The following FOXP2 variants were observed in gnomAD, a reference collection of about 807,000 sequenced individuals.
FOXP2 encodes the protein forkhead box P2.
FOXP2 carries 12 observed loss-of-function variants against 115.8 expected under a neutral mutation model. That is an observed-to-expected ratio of 0.10 (90% CI 0.07 to 0.17). The LOEUF is 0.17. Among genes scored for constraint, FOXP2 ranks in the 10% least tolerant of loss-of-function variants. The pLI, the probability that FOXP2 is intolerant of heterozygous loss-of-function variation, is 1.00. For synonymous variants in FOXP2, 328 were observed against 297.7 expected, an observed-to-expected ratio of 1.10 and a Z score of -1.05; for missense variants, 629 against 843.5, an observed-to-expected ratio of 0.75 and a Z score of 3.15.
intron 2 of FOXP2, among the ~76,000 whole-genome samples, chr7:114,456,754 A>G (rs550364619): frequency 2.0e-5 from 3 of 152,308 alleles, no homozygotes; most frequent in Admixed American, 6.5e-5. Flanking sequence ...CACAAGAGCC[A>G]TGATATGGAA....
chr7:114,552,615 T>C (rs1456100560), intron 3 of FOXP2, among the ~76,000 whole-genome samples: 3 of 152,208 alleles, frequency 2.0e-5, no homozygotes, highest in Admixed American at 2.0e-4. Context: ...ACTCATTTAT[T>C]CAGGTTAAAA....
At chr7:114,614,728 C>T (rs541813225) in intron 3 of FOXP2, among the ~76,000 whole-genome samples, 2 of 152,024 alleles carry the variant, frequency 1.3e-5, no homozygotes, top group South Asian at 2.1e-4. Flanking sequence ...GAAGACATAA[C>T]GGAAGAAAAG....
intron 2 of FOXP2, among the ~76,000 whole-genome samples, chr7:114,384,544 A>G (rs1165082785): frequency 6.6e-6 from 1 of 152,088 alleles, no homozygotes; most frequent in Non-Finnish European, 1.5e-5. Flanking sequence ...GTCACCTGGG[A>G]GGAACCATCT....
At chr7:114,404,085 T>C (rs146387072) in intron 2 of FOXP2, among the ~76,000 whole-genome samples, 1 of 152,248 alleles carries the variant, frequency 6.6e-6, no homozygotes, top group Admixed American at 6.5e-5. Context: ...TGGCTTACCA[T>C]TCATTAAATG....
intron 2 of FOXP2, among the ~76,000 whole-genome samples, chr7:114,517,542 T>C (rs908298646): frequency 1.3e-4 from 20 of 152,208 alleles, no homozygotes; most frequent in African/African-American, 4.8e-4. Context: ...AGATATCTAG[T>C]GGATATATGC....
At chr7:114,632,142 T>C (rs1300552283) in intron 6 of FOXP2, among the ~76,000 whole-genome samples, 1 of 152,198 alleles carries the variant, frequency 6.6e-6, no homozygotes, top group Non-Finnish European at 1.5e-5. Context: ...AATCACCACA[T>C]GTTAAAGAGA....
chr7:114,196,125 G>T (rs1793898385), intron 1 of FOXP2, among the ~76,000 whole-genome samples: 1 of 152,004 alleles, frequency 6.6e-6, no homozygotes, highest in Non-Finnish European at 1.5e-5. Flanking sequence ...TGATTCTCCT[G>T]CCTCAGCCTC....
At chr7:114,239,460 G>T (rs1795097095) in intron 1 of FOXP2, among the ~76,000 whole-genome samples, 1 of 152,074 alleles carries the variant, frequency 6.6e-6, no homozygotes, top group Non-Finnish European at 1.5e-5. Flanking sequence ...GGTAGGAAAT[G>T]TTGATGAATT....
chr7:114,613,636 CTG>C (rs1563034407), intron 3 of FOXP2, among the ~76,000 whole-genome samples: 6 of 150,134 alleles, frequency 4.0e-5, no homozygotes, highest in African/African-American at 1.5e-4. Context: ...GATCGCACCA[CTG>C]CACTCCAGCC....
At chr7:114,459,835 C>G (rs555502603) in intron 2 of FOXP2, among the ~76,000 whole-genome samples, 2 of 152,154 alleles carry the variant, frequency 1.3e-5, no homozygotes, top group Non-Finnish European at 2.9e-5. Context: ...CGGTTGATCT[C>G]GAACCGCTGA....
At chr7:114,425,666 C>A (rs1249147297) in intron 1 of FOXP2, among the ~76,000 whole-genome samples, 1 of 151,520 alleles carries the variant, frequency 6.6e-6, no homozygotes, top group Non-Finnish European at 1.5e-5. Flanking sequence ...GATTTTATTT[C>A]CAGCTTTCAT....
At chr7:114,368,620 A>C (rs909141619) in intron 2 of FOXP2, among the ~76,000 whole-genome samples, 2 of 152,188 alleles carry the variant, frequency 1.3e-5, no homozygotes, top group African/African-American at 4.8e-5. Flanking sequence ...ACCCATAAAG[A>C]CGACTGAGCA....
rs147142788 is a variant in FOXP2 at position 114,349,127 on chromosome 7, TG to T, written c.-11+61019del. ...CCCATCAATGCTTGTGACTTTACTA[TG>T]TTTTTTTTTCTGTATTCCGCAAATC... On this transcript the variant is annotated intron_variant, in intron 2 of 17. Transcript: ENST00000634411. 5.3e-3 allele frequency among the ~76,000 whole-genome samples: 805 copies of T among 152,146 alleles called. 3 individuals carry two copies. The highest frequency in any genetic ancestry group is 0.018 in the African/African-American group (760 of 41,516).
intron 2 of FOXP2, among the ~76,000 whole-genome samples, chr7:114,361,952 C>A (rs574022058): frequency 4.3e-4 from 65 of 151,972 alleles, no homozygotes; most frequent in Admixed American, 6.6e-4. Context: ...GCTATAGGAA[C>A]AATGCCTAAA....
intron 3 of FOXP2, among the ~76,000 whole-genome samples, chr7:114,589,360 A>C (rs895998654): frequency 6.6e-6 from 1 of 152,104 alleles, no homozygotes; most frequent in Admixed American, 6.6e-5. Context: ...TTTAAAAAAA[A>C]AGCTTCTCCC....
chr7:114,089,823 A>G (rs1799507969), intron 1 of FOXP2, among the ~76,000 whole-genome samples: 1 of 152,008 alleles, frequency 6.6e-6, no homozygotes, highest in African/African-American at 2.4e-5. Flanking sequence ...CAAACACACA[A>G]AACAAGTCTC....
chr7:114,137,977 G>T (rs1250952668), intron 1 of FOXP2, among the ~76,000 whole-genome samples: 1 of 152,108 alleles, frequency 6.6e-6, no homozygotes, highest in Non-Finnish European at 1.5e-5. Context: ...GAGAAATAGG[G>T]CTGGTTATAG....
Position 114,557,417 on chromosome 7 carries a change from T to C in FOXP2, c.258+22711T>C, listed in dbSNP as rs73429368. 8.6e-3 allele frequency among the ~76,000 whole-genome samples: 1,306 copies of C among 152,314 alleles called. 14 individuals carry two copies. The highest frequency in any genetic ancestry group is 0.03 in the African/African-American group (1,249 of 41,578). ...TCTGAAAATCGCATTAAGACAAATA[T>C]ATATCATCTGTGAAATTATGCTCTG... On this transcript the variant is annotated intron_variant, in intron 3 of 16. Coordinates refer to ENST00000350908, the MANE Select transcript of FOXP2 (RefSeq NM_014491.4).
At chr7:114,097,515 T>A (rs933015955) in intron 1 of FOXP2, among the ~76,000 whole-genome samples, 4 of 152,242 alleles carry the variant, frequency 2.6e-5, no homozygotes, top group African/African-American at 7.2e-5. Flanking sequence ...AATCTTCCTC[T>A]TATTTTTCAT....
Sources: allele counts gnomAD v4.1 joint callset (sites outside exome capture counted in the v4.1 genomes callset), GRCh38; gene constraint gnomAD v4.1.1; transcripts MANE v1.5; gene names NCBI Gene and HGNC (gene_info 2026-07-23, HGNC 2026-07-21).